The following KIRREL1 variants were observed in gnomAD, a reference collection of about 807,000 sequenced individuals.
KIRREL1 encodes the protein kin of IRRE-like protein 1.
Under a neutral mutation model 83.3 loss-of-function variants are expected in KIRREL1, and 25 were observed. The ratio of observed to expected loss-of-function variants is 0.30; its 90% CI spans 0.22 to 0.42. The LOEUF (loss-of-function observed/expected upper bound fraction) is 0.42, where lower values mean the gene tolerates loss of function less well. Ranked by LOEUF, KIRREL1 falls within the 10% of genes least tolerant of loss-of-function variation. The pLI, the probability that KIRREL1 is intolerant of heterozygous loss-of-function variation, is 1.00. For synonymous variants in KIRREL1, 388 were observed against 410.4 expected (o/e 0.95, Z 0.66); for missense variants, 812 against 1,032.3 (o/e 0.79, Z 2.92).
At chr1:158,003,455 C>T (rs529858341) in intron 1 of KIRREL1, among the ~76,000 whole-genome samples, 1 of 152,266 alleles carries the variant, frequency 6.6e-6, no homozygotes, top group East Asian at 1.9e-4. Context: ...ACTTGCTCCT[C>T]TTTGTCTCAG....
intron 1 of KIRREL1, among the ~76,000 whole-genome samples, chr1:157,995,422 A>T (rs950478738): frequency 6.6e-6 from 1 of 151,350 alleles, no homozygotes; most frequent in Non-Finnish European, 1.5e-5. Flanking sequence ...TGGGAAGATG[A>T]CTTAAGTTCT....
chr1:158,078,369 G>A (rs993595709), intron 3 of KIRREL1, among the ~76,000 whole-genome samples: 4 of 151,656 alleles, frequency 2.6e-5, no homozygotes, highest in East Asian at 3.9e-4. Context: ...CCTCTCTGCC[G>A]CAGCCAGTGC....
chr1:158,072,033 C>G (rs1037559291), intron 1 of KIRREL1, among the ~76,000 whole-genome samples: 2 of 152,190 alleles, frequency 1.3e-5, no homozygotes, highest in African/African-American at 4.8e-5. Flanking sequence ...CTCCTCTGCT[C>G]TCCCACATCC....
chr1:157,995,115 C>T (rs973648379), intron 1 of KIRREL1, among the ~76,000 whole-genome samples: 1 of 152,228 alleles, frequency 6.6e-6, no homozygotes, highest in African/African-American at 2.4e-5. Flanking sequence ...CAGCCTCAGG[C>T]ATTATTGCCC....
chr1:158,078,298 A>C (rs1661745897), intron 3 of KIRREL1, among the ~76,000 whole-genome samples, 158 bp downstream of exon 3: 1 of 152,202 alleles, frequency 6.6e-6, no homozygotes, highest in Admixed American at 6.5e-5. Flanking sequence ...AGAAGAAAGT[A>C]AACCAGGCAT....
At chr1:158,002,092 C>T (rs1659376755) in intron 1 of KIRREL1, among the ~76,000 whole-genome samples, 1 of 152,106 alleles carries the variant, frequency 6.6e-6, no homozygotes, top group Admixed American at 6.5e-5. Context: ...AGAGAAATAC[C>T]AGCTCTGCCT....
chr1:158,064,989 G>C (rs1453542987), intron 1 of KIRREL1, among the ~76,000 whole-genome samples: 1 of 150,642 alleles, frequency 6.6e-6, no homozygotes, highest in Admixed American at 6.6e-5. Context: ...GAGTTGGGGG[G>C]TGGGAGGTGA....
chr1:158,057,263 A>G (rs1410154916), intron 1 of KIRREL1, among the ~76,000 whole-genome samples: 1 of 152,236 alleles, frequency 6.6e-6, no homozygotes, highest in East Asian at 1.9e-4. Context: ...GCAGGATGCC[A>G]GAGCTTCCAG....
At chr1:158,064,952 T>A (rs1036058531) in intron 1 of KIRREL1, among the ~76,000 whole-genome samples, 3 of 148,414 alleles carry the variant, frequency 2.0e-5, no homozygotes, top group South Asian at 2.2e-4. Context: ...TTTTTTTTTT[T>A]AATTTTGAAG....
chr1:158,016,303 C>CAA (rs10710009), intron 1 of KIRREL1, among the ~76,000 whole-genome samples: 4 of 145,058 alleles, frequency 2.8e-5, no homozygotes, highest in African/African-American at 7.6e-5. Context: ...GACTCTGTCT[C>CAA]AAAAAAAAAA....
At chr1:158,071,444 C>G (rs182159026) in intron 1 of KIRREL1, among the ~76,000 whole-genome samples, 2,050 of 152,332 alleles carry the variant, frequency 0.013, 140 homozygotes, top group Admixed American at 0.12. Flanking sequence ...TGCTTAAGAG[C>G]TCACCACAGC....
chr1:158,058,142 G>A (rs891150416), intron 1 of KIRREL1, among the ~76,000 whole-genome samples: 8 of 152,274 alleles, frequency 5.3e-5, no homozygotes, highest in Admixed American at 1.3e-4. Flanking sequence ...GTCCAGAGTG[G>A]AAGCTCCCAG....
intron 1 of KIRREL1, among the ~76,000 whole-genome samples, chr1:158,002,295 A>C (rs1338347562): frequency 6.6e-6 from 1 of 152,216 alleles, no homozygotes; most frequent in Non-Finnish European, 1.5e-5. Flanking sequence ...AGCTTGGGCC[A>C]TGTCTACACT....
intron 1 of KIRREL1, among the ~76,000 whole-genome samples, chr1:158,033,396 C>T (rs1201307835): frequency 6.6e-6 from 1 of 152,188 alleles, no homozygotes; most frequent in African/African-American, 2.4e-5. Context: ...AGAGTACCCC[C>T]ACCACTATCC....
At chr1:158,021,428 T>C (rs576727147) in intron 1 of KIRREL1, among the ~76,000 whole-genome samples, 1 of 152,326 alleles carries the variant, frequency 6.6e-6, no homozygotes, top group African/African-American at 2.4e-5. Context: ...ATTACCCTCA[T>C]CTTAGTTTCA....
chr1:158,007,049 G>C lies in KIRREL1; in HGVS notation c.52+13321G>C, dbSNP rs549135809. 4.7e-4 allele frequency among the ~76,000 whole-genome samples: 72 copies of C among 152,160 alleles called. 1 individual carries two copies. The highest frequency in any genetic ancestry group is 7.9e-4 in the Non-Finnish European group (54 of 68,030). On this transcript the variant is annotated intron_variant, in intron 1 of 14. Transcript: ENST00000359209. Reference sequence around the variant, plus strand: ...TTTGGGGATCTCCTAGTCTGATGAAGGAGTGTGGGCATTTTCCTGGGATAC... The same window carrying C: ...TTTGGGGATCTCCTAGTCTGATGAACGAGTGTGGGCATTTTCCTGGGATAC...
At chr1:158,079,808 A>G (rs536774944) in intron 3 of KIRREL1, among the ~76,000 whole-genome samples, 1 of 152,332 alleles carries the variant, frequency 6.6e-6, no homozygotes, top group African/African-American at 2.4e-5. Context: ...AACATGGCAT[A>G]ATGACACCAG....
intron 1 of KIRREL1, among the ~76,000 whole-genome samples, chr1:158,029,823 C>T (rs1301911398): frequency 6.6e-6 from 1 of 152,180 alleles, no homozygotes; most frequent in East Asian, 1.9e-4. Flanking sequence ...CAGGGCTGTT[C>T]AGAGAATTAA....
chr1:158,029,367 GCA>G (rs1553238088), intron 1 of KIRREL1, among the ~76,000 whole-genome samples: 98,134 of 145,730 alleles, frequency 0.67, 33,041 homozygotes, highest in Admixed American at 0.72. Context: ...GTGTGTGTGT[GCA>G]CGTGCGCGCG....
Sources: gnomAD v4.1 joint callset for allele counts (sites outside exome capture counted in the v4.1 genomes callset) on GRCh38, gnomAD v4.1.1 for gene constraint, MANE v1.5 for transcripts, NCBI Gene and HGNC (gene_info 2026-07-23, HGNC 2026-07-21) for gene names.